The following RASAL2 variants were observed in gnomAD, a reference collection of about 807,000 sequenced individuals.
RASAL2 encodes RAS protein activator like 2.
In RASAL2, 58 loss-of-function variants were observed where a neutral mutation model predicts 128.9. The ratio of observed to expected loss-of-function variants is 0.45; its 90% CI spans 0.36 to 0.56. The LOEUF (loss-of-function observed/expected upper bound fraction) is 0.56. RASAL2 is among the 20% of genes least tolerant of loss of function. The pLI is 0.00. For synonymous variants in RASAL2, 561 were observed against 580.8 expected (o/e 0.97, Z 0.49); for missense variants, 1,360 against 1,601.6 (o/e 0.85, Z 2.57).
intron 1 of RASAL2, among the ~76,000 whole-genome samples, chr1:178,128,045 G>A (rs569187379): frequency 1.3e-5 from 2 of 152,088 alleles, no homozygotes; most frequent in African/African-American, 4.8e-5. Context: ...ATTTGAAAGG[G>A]CCCTTAAAGA....
intron 3 of RASAL2, among the ~76,000 whole-genome samples, chr1:178,319,395 A>G (rs1265638265): frequency 1.3e-5 from 2 of 151,774 alleles, no homozygotes; most frequent in Non-Finnish European, 2.9e-5. Context: ...GTGTTTTCCA[A>G]CTTGGTTCCA....
chr1:178,148,747 T>G (rs1290689355), intron 1 of RASAL2, among the ~76,000 whole-genome samples: 2 of 152,116 alleles, frequency 1.3e-5, no homozygotes, highest in Non-Finnish European at 2.9e-5. Context: ...CCCAACCCCT[T>G]TACCATTAAC....
rs149720001 is a variant in RASAL2 at position 178,110,281 on chromosome 1, A to G, written c.202+15587A>G. Among the ~76,000 whole-genome samples the G allele has an allele frequency of 1.5e-3, 231 of 152,010 alleles. 1 individual carries two copies. Among genetic ancestry groups the G allele is most frequent in the African/African-American group, 5.3e-3 (221 of 41,474 alleles). Reference sequence around the variant, plus strand: ...ATTTTCAAGAATTTTATGGACATTAATCCCTCATTATTTACCAGGGGATTG... The same window carrying G: ...ATTTTCAAGAATTTTATGGACATTAGTCCCTCATTATTTACCAGGGGATTG... On this transcript the variant is annotated intron_variant, in intron 1 of 17. Transcript: ENST00000367649.
intron 3 of RASAL2, among the ~76,000 whole-genome samples, chr1:178,376,483 A>G (rs564945252): frequency 6.6e-6 from 1 of 152,134 alleles, no homozygotes; most frequent in Non-Finnish European, 1.5e-5. Flanking sequence ...AAAACAAAAC[A>G]TTTTATGGGT....
intron 1 of RASAL2, among the ~76,000 whole-genome samples, chr1:178,197,611 GAA>G (rs57628750): frequency 0.071 from 6,717 of 94,218 alleles, 206 homozygotes; most frequent in East Asian, 0.14. Context: ...TCCATCTGGG[GAA>G]AAAAAAAAAA....
At chr1:178,388,358 A>G (rs1672704737) in intron 3 of RASAL2, among the ~76,000 whole-genome samples, 1 of 152,192 alleles carries the variant, frequency 6.6e-6, no homozygotes, top group Non-Finnish European at 1.5e-5. Context: ...CATGAATCTG[A>G]GCTAATTATG....
At chr1:178,103,951 A>C (rs1194052040) in intron 1 of RASAL2, among the ~76,000 whole-genome samples, 1 of 151,810 alleles carries the variant, frequency 6.6e-6, no homozygotes, top group East Asian at 1.9e-4. Context: ...AGTTCTCTGG[A>C]CCTTTATTTT....
At chr1:178,468,726 GAAAT>G (rs1032175235) in intron 17 of RASAL2, among the ~76,000 whole-genome samples, 4 of 152,164 alleles carry the variant, frequency 2.6e-5, no homozygotes, top group Non-Finnish European at 5.9e-5. Context: ...TCCTTTGAAA[GAAAT>G]CTTTCTAGAT....
At chr1:178,138,127 A>G (rs1284537686) in intron 1 of RASAL2, among the ~76,000 whole-genome samples, 1 of 152,210 alleles carries the variant, frequency 6.6e-6, no homozygotes, top group Non-Finnish European at 1.5e-5. Flanking sequence ...ATATTTTTGG[A>G]AACTTGAGTT....
chr1:178,330,484 A>G (rs923548024), intron 3 of RASAL2, among the ~76,000 whole-genome samples: 2 of 152,220 alleles, frequency 1.3e-5, no homozygotes, highest in South Asian at 2.1e-4. Flanking sequence ...GGATGGAACA[A>G]AAGACTGAAC....
chr1:178,231,172 TA>T (rs947559881), intron 1 of RASAL2, among the ~76,000 whole-genome samples: 1 of 152,148 alleles, frequency 6.6e-6, no homozygotes, highest in Non-Finnish European at 1.5e-5. Flanking sequence ...GAGAGACAGT[TA>T]ACAACTGCCT....
At chr1:178,404,808 A>T (rs1318874363) in intron 4 of RASAL2, among the ~76,000 whole-genome samples, 1 of 150,226 alleles carries the variant, frequency 6.7e-6, no homozygotes, top group Non-Finnish European at 1.5e-5. Context: ...CAGCCTCCTG[A>T]GTAGCCGGGT....
intron 5 of RASAL2, among the ~76,000 whole-genome samples, chr1:178,425,353 T>C (rs1302457921): frequency 6.6e-6 from 1 of 151,806 alleles, no homozygotes; most frequent in Admixed American, 6.6e-5. Flanking sequence ...ACAGTTCTGC[T>C]TTTTTTTGTC....
intron 1 of RASAL2, among the ~76,000 whole-genome samples, chr1:178,250,414 C>T (rs778705858): frequency 7.8e-4 from 118 of 152,196 alleles, no homozygotes; most frequent in African/African-American, 2.5e-3. Context: ...CAATGGCGGA[C>T]GCCCCAACCC....
At chr1:178,250,027 G>T (rs955778934) in intron 1 of RASAL2, among the ~76,000 whole-genome samples, 1 of 152,164 alleles carries the variant, frequency 6.6e-6, no homozygotes, top group African/African-American at 2.4e-5. Flanking sequence ...CACTCAGGAG[G>T]CTTGGCGGTC....
chr1:178,465,418 C>A (rs1647567788), intron 15 of RASAL2, among the ~76,000 whole-genome samples: 1 of 152,166 alleles, frequency 6.6e-6, no homozygotes, highest in Non-Finnish European at 1.5e-5. Context: ...AAAGGAATGG[C>A]AGTCTGATGA....
At chr1:178,253,591 G>A (rs556741332) in intron 1 of RASAL2, among the ~76,000 whole-genome samples, 2 of 152,276 alleles carry the variant, frequency 1.3e-5, no homozygotes, top group South Asian at 4.2e-4. Context: ...GAGAGTCAGT[G>A]AAGGGAGATA....
Position 178,244,963 on chromosome 1 carries a change from A to T in RASAL2, c.203-38601A>T, listed in dbSNP as rs1410482399. On this transcript the variant is annotated intron_variant, in intron 1 of 17. Transcript: ENST00000367649. The stretch of plus-strand genomic sequence containing the variant: ...GGTGTATATGTGCCACGTTTTCTTT[A>T]TCCAGTCTATCATTGATGGGCATTT... Among the ~76,000 whole-genome samples the T allele has an allele frequency of 2.6e-5, 4 of 152,254 alleles. No homozygotes were observed. The South Asian group carries it at 6.2e-4, about 24-fold the overall frequency.
intron 3 of RASAL2, among the ~76,000 whole-genome samples, chr1:178,370,816 A>G (rs1201302464): frequency 4.6e-5 from 7 of 152,170 alleles, no homozygotes; most frequent in Non-Finnish European, 7.3e-5. Context: ...TCATAATGAA[A>G]TAGAGTCTAG....
Sources: gnomAD v4.1 joint callset for allele counts (sites outside exome capture counted in the v4.1 genomes callset) on GRCh38, gnomAD v4.1.1 for gene constraint, MANE v1.5 for transcripts, NCBI Gene and HGNC (gene_info 2026-07-23, HGNC 2026-07-21) for gene names.